The following ZFYVE27 variants were observed in gnomAD, a reference collection of about 807,000 sequenced individuals.
The protein encoded by ZFYVE27 is zinc finger FYVE-type containing 27, also known as protrudin.
A neutral mutation model predicts 52.8 loss-of-function variants in ZFYVE27; 36 were observed. That is an observed-to-expected ratio of 0.68 (90% confidence interval 0.52 to 0.90). The LOEUF is 0.90. Among genes scored for constraint, ZFYVE27 ranks in the 40% least tolerant of loss-of-function variants. The pLI is 0.00. For synonymous variants in ZFYVE27, 223 were observed against 215.6 expected (o/e 1.03, Z -0.30); for missense variants, 450 against 527.2 (o/e 0.85, Z 1.43).
Position 97,738,619 on chromosome 10 carries a change from G to A in ZFYVE27, c.142G>A (p.Glu48Lys). The change falls in exon 2 of 13, where the codon GAG becomes AAG. Residue 48 changes from glutamate to lysine, a missense_variant. Coordinates refer to ENST00000684270, the MANE Select transcript of ZFYVE27 (RefSeq NM_001385875.1). ...FNLVLSYKRL[E>K]IYLEPLKDAG... ...CTTGGTTCTCTCCTACAAGAGGCTGGAGATCTACCTGGAACCCTTGAAGGA... is the reference window on the plus strand; with the variant it reads ...CTTGGTTCTCTCCTACAAGAGGCTGAAGATCTACCTGGAACCCTTGAAGGA... The A allele has an allele frequency of 6.2e-7, 1 of 1,614,216 alleles. No individual in the cohort carries two copies. Among genetic ancestry groups the A allele is most frequent in the Non-Finnish European group, 8.5e-7 (1 of 1,180,044 alleles).
intron 6 of ZFYVE27, 64 bp downstream of exon 6, chr10:97,749,650 C>G (rs2046393895): frequency 7.6e-7 from 1 of 1,316,340 alleles, no homozygotes; most frequent in African/African-American, 1.5e-5. Flanking sequence ...CTAGGCTCCC[C>G]AGTTCTTCTG....
chr10:97,744,851 A>G lies in ZFYVE27; in HGVS notation c.391A>G (p.Arg131Gly). The G allele has an allele frequency of 6.2e-7, 1 of 1,612,728 alleles. No homozygotes were observed. Among genetic ancestry groups the G allele is most frequent in the Non-Finnish European group, 8.5e-7 (1 of 1,179,486 alleles). Residue 131 changes from arginine (R) to glycine (G), a missense_variant, in exon 4 of 13, where the codon AGG becomes GGG. Coordinates refer to ENST00000684270, the MANE Select transcript of ZFYVE27 (RefSeq NM_001385875.1). ...ELMRRKYHSV[R>G]QEDLQRGRLS... ...GATGCGGAGGAAGTATCATAGCGTG[A>G]GGCAGGAGGACCTGCAGAGAGGTCG...
chr10:97,740,281 A>G (rs1162957625), intron 2 of ZFYVE27, among the ~76,000 whole-genome samples: 3 of 152,146 alleles, frequency 2.0e-5, no homozygotes, highest in East Asian at 3.9e-4. Context: ...TGTTCACCTA[A>G]TTTATGTCTG....
At chr10:97,744,994 G>C in intron 4 of ZFYVE27, 79 bp downstream of exon 4, 1 of 1,485,610 alleles carries the variant, frequency 6.7e-7, no homozygotes, top group Non-Finnish European at 9.1e-7. Context: ...TTGTGTGCTC[G>C]ACATCATATT....
At position 97,757,794 on chromosome 10, in the gene ZFYVE27, G is replaced by T. The variant is rs2048751398; in HGVS notation, c.1171+71G>T. Reference sequence around the variant, plus strand: ...GGGGATGTCACGCTGTGGCACAGAGGCAAGGGTGTCAGAGGTCAAGGGAAC... The same window carrying T: ...GGGGATGTCACGCTGTGGCACAGAGTCAAGGGTGTCAGAGGTCAAGGGAAC... On this transcript the variant is annotated intron_variant, in intron 12 of 12. Transcript: ENST00000684270. 2.0e-6 allele frequency: 3 copies of T among 1,516,708 alleles called. No homozygotes were observed. In the South Asian group the frequency reaches 3.4e-5, roughly 17 times the overall value. 94.0% of individuals were successfully genotyped at this position (1,516,708 alleles called of 1,614,324 possible). A position where few individuals can be genotyped will look rare whatever the true frequency, so the allele number is the denominator to read the frequency against.
rs1019632506 is a variant in ZFYVE27, at chr10:97,746,041, ATATATATATATTT to A, written c.455+1128_455+1140del. 5.6e-4 allele frequency among the ~76,000 whole-genome samples: 31 copies of A among 55,114 alleles called. No homozygotes were observed. The South Asian group carries it at 0.015, about 27-fold the overall frequency. 36.2% of individuals were successfully genotyped at this position (55,114 alleles called of 152,430 possible). On this transcript the variant is annotated intron_variant, in intron 4 of 12. Coordinates refer to ENST00000684270, the MANE Select transcript of ZFYVE27 (RefSeq NM_001385875.1). ...TATATATATACACATATATATATAT[ATATATATATATTT>A]TTTTTTTTTTTTGAGACAGAGTCTT...
intron 4 of ZFYVE27, among the ~76,000 whole-genome samples, chr10:97,745,213 G>A (rs370596405): frequency 6.6e-6 from 1 of 150,592 alleles, no homozygotes; most frequent in African/African-American, 2.4e-5. Flanking sequence ...TTTCGCTCTC[G>A]TTGTCCAGGC....
At chr10:97,743,953 G>A (rs1171032913) in intron 3 of ZFYVE27, among the ~76,000 whole-genome samples, 3 of 152,308 alleles carry the variant, frequency 2.0e-5, no homozygotes, top group East Asian at 3.9e-4. Context: ...CATTATTCAT[G>A]TTTTTGTTCT....
At position 97,752,734 on chromosome 10, in the gene ZFYVE27, C is replaced by T. The variant is rs12263460; in HGVS notation, c.877-123C>T. On this transcript the variant is annotated intron_variant, in intron 8 of 12. Transcript: ENST00000684270. ...TGTCAATGTCACCATTTGGGAAGTG[C>T]GCAGAGCTCAGAGCAGCGCTTCCAT... 13,054 of 1,129,794 alleles carry T rather than the reference C, an allele frequency of 0.012. 715 individuals are homozygous for T. The African/African-American group carries it at 0.14, about 12-fold the overall frequency. The allele number at this position is 1,129,794 out of a possible 1,614,324, so 70.0% of individuals were successfully genotyped here.
Position 97,748,373 on chromosome 10 carries a change from C to T in ZFYVE27, c.551+9C>T, listed in dbSNP as rs1483780304. On this transcript the variant is annotated intron_variant, in intron 5 of 12. Transcript: ENST00000684270. The stretch of plus-strand genomic sequence containing the variant: ...CCCGTCGTGTCCTCACAGTGAGTGA[C>T]CCCTCCTCTCCCGCCACCACCCTAT... 25 of 1,613,008 alleles carry T rather than the reference C, an allele frequency of 1.5e-5. No homozygotes were observed. The East Asian group carries it at 5.6e-4, about 36-fold the overall frequency.
At chr10:97,757,056 G>A (rs994710190) in intron 10 of ZFYVE27, 12 of 613,136 alleles carry the variant, frequency 2.0e-5, no homozygotes, top group Non-Finnish European at 2.9e-5. Flanking sequence ...AGCTATGTAT[G>A]GCTGGAGACA....
intron 1 of ZFYVE27, among the ~76,000 whole-genome samples, 186 bp downstream of exon 1, chr10:97,737,507 G>A (rs1248859179): frequency 6.6e-6 from 1 of 152,258 alleles, no homozygotes; most frequent in East Asian, 1.9e-4. Context: ...CAGTGCGGGC[G>A]TCGATATACC....
chr10:97,746,093 G>A (rs1337713397), intron 4 of ZFYVE27, among the ~76,000 whole-genome samples: 6 of 142,438 alleles, frequency 4.2e-5, no homozygotes, highest in Admixed American at 3.6e-4. Flanking sequence ...ATGTAACCCA[G>A]GCTGAAATGC....
intron 4 of ZFYVE27, among the ~76,000 whole-genome samples, chr10:97,745,611 G>A (rs1006633850): frequency 8.5e-5 from 13 of 152,202 alleles, no homozygotes; most frequent in Non-Finnish European, 1.9e-4. Context: ...TAGCCTCTGT[G>A]TGTCTCAAGT....
intron 10 of ZFYVE27, 48 bp from the exon 11 acceptor site, chr10:97,757,217 G>T (rs1359647680): frequency 6.2e-7 from 1 of 1,613,764 alleles, no homozygotes; most frequent in East Asian, 2.2e-5. Context: ...AGGTGAGCGT[G>T]AGAGTCCTGG....
intron 4 of ZFYVE27, among the ~76,000 whole-genome samples, chr10:97,747,867 T>G (rs2045897657): frequency 6.6e-6 from 1 of 152,166 alleles, no homozygotes; most frequent in Non-Finnish European, 1.5e-5. Context: ...ACTCCCCAAG[T>G]GAGTCTGTTT....
Position 97,753,183 on chromosome 10 carries a change from G to A in ZFYVE27, c.1042+1G>A, listed in dbSNP as rs1409816477. 5 of 1,610,352 alleles carry A rather than the reference G, an allele frequency of 3.1e-6. No homozygotes were observed. The highest frequency in any genetic ancestry group is 3.4e-5 in the Admixed American group (2 of 59,628). ...AAGCGCTACCCCACCAACAACTTCG[G>A]TGCGGCCAGGGGACAGGGCTGGGCT... On this transcript the variant is annotated splice_donor_variant, in intron 10 of 12. Coordinates refer to ENST00000684270, the MANE Select transcript of ZFYVE27 (RefSeq NM_001385875.1). LOFTEE classifies it high-confidence loss of function.
chr10:97,747,689 C>T (rs915255463), intron 4 of ZFYVE27, among the ~76,000 whole-genome samples: 1 of 152,086 alleles, frequency 6.6e-6, no homozygotes, highest in African/African-American at 2.4e-5. Context: ...TTGAATGCTT[C>T]CTTTATGGTA....
rs748424409 is a variant in ZFYVE27, at chr10:97,757,297, G to A, written c.1075G>A (p.Val359Met). 6.2e-6 allele frequency: 10 copies of A among 1,614,076 alleles called. No homozygotes were observed. Among genetic ancestry groups the A allele is most frequent in the Non-Finnish European group, 8.5e-6 (10 of 1,180,038 alleles). The change falls in exon 11 of 13, where the codon GTG becomes ATG. Residue 359 changes from valine (V) to methionine (M), a missense_variant. Physicochemically the swap from Val to Met is conservative, Grantham distance 21. Coordinates refer to ENST00000684270, the MANE Select transcript of ZFYVE27 (RefSeq NM_001385875.1). ...CACGGGCTGCTCGGCCACCTTCTCAGTGCTGAAGAAGAGGGTGAGTGTCTG... is the reference window on the plus strand; with the variant it reads ...CACGGGCTGCTCGGCCACCTTCTCAATGCTGAAGAAGAGGGTGAGTGTCTG... Reference protein sequence around the residue: ...NCTGCSATFSVLKKRRSCSNC... With the variant: ...NCTGCSATFSMLKKRRSCSNC...
Sources: allele counts gnomAD v4.1 joint callset (sites outside exome capture counted in the v4.1 genomes callset), GRCh38; gene constraint gnomAD v4.1.1; transcripts MANE v1.5; gene names NCBI Gene and HGNC (gene_info 2026-07-23, HGNC 2026-07-21).